Variants in PHF8 observed in about 807,000 individuals in gnomAD.
The protein encoded by PHF8 is histone lysine demethylase PHF8.
In PHF8, 9 loss-of-function variants were observed where a neutral mutation model predicts 74.4. The observed-to-expected ratio is 0.12, with a 90% CI of 0.07 to 0.21. PHF8 has a LOEUF of 0.21. Among genes scored for constraint, PHF8 ranks in the 10% least tolerant of loss-of-function variants. The pLI is 1.00. For missense variants in PHF8, 478 were observed against 816.6 expected (o/e 0.59, Z 5.05); for synonymous variants, 311 against 316.6 (o/e 0.98, Z 0.19).
intron 18 of PHF8, among the ~76,000 whole-genome samples, chrX:53,975,486 C>G (rs996619758): frequency 9.0e-6 from 1 of 111,532 alleles, no homozygotes; most frequent in Admixed American, 9.5e-5. Flanking sequence ...CATCAATGGA[C>G]AAATGAGTAA....
chrX:54,017,564 G>A, intron 5 of PHF8, 97 bp downstream of exon 5: 1 of 749,836 alleles, frequency 1.3e-6, no homozygotes, highest in Non-Finnish European at 2.1e-6. Flanking sequence ...TCCCAAGATG[G>A]TTACAGAGGA....
intron 19 of PHF8, among the ~76,000 whole-genome samples, chrX:53,949,908 T>C (rs1557086472): frequency 9.3e-6 from 1 of 108,059 alleles, no homozygotes; most frequent in Non-Finnish European, 1.9e-5. Context: ...ATTCAATGCA[T>C]ATTTAAGTAT....
chrX:54,021,852 A>T (rs1463514755), intron 4 of PHF8, among the ~76,000 whole-genome samples: 6 of 110,648 alleles, frequency 5.4e-5, no homozygotes, highest in African/African-American at 2.0e-4. Flanking sequence ...CCTTTTTTTA[A>T]CTCATTATTT....
Position 54,043,929 on chromosome X carries a change from G to C in PHF8, c.-260C>G, listed in dbSNP as rs921232153. 2.7e-6 allele frequency: 2 copies of C among 753,938 alleles called. No individual in the cohort carries two copies. The highest frequency in any genetic ancestry group is 1.6e-6 in the Non-Finnish European group (1 of 639,272). The allele number at this position is 753,938 out of a possible 1,213,427, so 62.1% of individuals were successfully genotyped here. ...ACACGCCGGCAGCCGGGCTAGCTCCGGGACTGCGAAGCGCCTCAGCGGAGG... is the reference window on the plus strand; with the variant it reads ...ACACGCCGGCAGCCGGGCTAGCTCCCGGACTGCGAAGCGCCTCAGCGGAGG... On this transcript the variant is annotated 5_prime_UTR_variant, in exon 1 of 22. Coordinates refer to ENST00000338154, the MANE Select transcript of PHF8 (RefSeq NM_015107.3).
rs1368136027 is a variant in PHF8, at chrX:53,965,636, GA to G, written c.2444-2698del. The stretch of plus-strand genomic sequence containing the variant: ...CCTTCCAAACAAACAAAGTTGTCAG[GA>G]AATCTCTATCAGAAAGTCTCAGCTT... On this transcript the variant is annotated intron_variant, in intron 18 of 21. Transcript: ENST00000338154. 3.6e-5 allele frequency among the ~76,000 whole-genome samples: 4 copies of G among 112,155 alleles called. No homozygotes were observed. The Admixed American group carries it at 3.8e-4, about 11-fold the overall frequency.
chrX:53,977,836 C>T (rs1195414464), intron 18 of PHF8, among the ~76,000 whole-genome samples: 11 of 107,502 alleles, frequency 1.0e-4, no homozygotes, highest in African/African-American at 2.4e-4. Context: ...TTAGTAGAGA[C>T]GGGGTTTCAC....
chrX:54,036,863 G>A (rs1557114395), intron 2 of PHF8, among the ~76,000 whole-genome samples: 4 of 108,453 alleles, frequency 3.7e-5, no homozygotes, highest in Non-Finnish European at 7.6e-5. Flanking sequence ...AGCTGGGCGT[G>A]GTGGCGAGCG....
At chrX:54,010,118 G>A (rs1269938286) in intron 8 of PHF8, among the ~76,000 whole-genome samples, 3 of 109,205 alleles carry the variant, frequency 2.7e-5, no homozygotes, top group African/African-American at 1.0e-4. Context: ...TCAGAAGTTC[G>A]AGACCAGCCA....
chrX:53,946,874 G>C (rs1396502061), intron 19 of PHF8, among the ~76,000 whole-genome samples: 1 of 111,714 alleles, frequency 9.0e-6, no homozygotes, highest in Non-Finnish European at 1.9e-5. Context: ...GGGGGAAACA[G>C]CATAATAACT....
At position 53,967,247 on chromosome X, in the gene PHF8, G is replaced by A. The variant is rs1345140454; in HGVS notation, c.2444-4308C>T. Among the ~76,000 whole-genome samples the A allele has an allele frequency of 1.7e-3, 140 of 81,370 alleles. 1 individual carries two copies. The highest frequency in any genetic ancestry group is 5.6e-3 in the African/African-American group (126 of 22,682). 70.7% of individuals were successfully genotyped at this position (81,370 alleles called of 115,157 possible). On this transcript the variant is annotated intron_variant, in intron 18 of 21. Transcript: ENST00000338154. Reference sequence around the variant, plus strand: ...GAGGAGCCCCTCTGCCCGGCCAGCCGCCCCGTCCGGGAGGGAGGTGGGGGG... The same window carrying A: ...GAGGAGCCCCTCTGCCCGGCCAGCCACCCCGTCCGGGAGGGAGGTGGGGGG...
intron 19 of PHF8, among the ~76,000 whole-genome samples, chrX:53,953,323 G>A (rs1482941814): frequency 8.7e-5 from 1 of 11,429 alleles, no homozygotes; most frequent in Non-Finnish European, 1.4e-4. Flanking sequence ...CACATATAGA[G>A]AGATAAAAAA....
chrX:53,979,330 C>T (rs1317589090), intron 18 of PHF8, among the ~76,000 whole-genome samples: 3 of 110,814 alleles, frequency 2.7e-5, no homozygotes, highest in Non-Finnish European at 3.8e-5. Context: ...TGCAGTGAGC[C>T]GAGATTGCAC....
Position 54,018,581 on chromosome X carries a change from T to C in PHF8, c.294-760A>G, listed in dbSNP as rs182158088. Among the ~76,000 whole-genome samples, 154 of 110,381 alleles carry C rather than the reference T, an allele frequency of 1.4e-3. 1 individual carries two copies. Among genetic ancestry groups the C allele is most frequent in the Middle Eastern group, 4.6e-3 (1 of 217 alleles). ...TATTTGACAACTCTGACAACTTGTG[T>C]TGGGACAAATATATTAAGCTCAAGC... is the stretch of plus-strand genomic sequence containing the variant. On this transcript the variant is annotated intron_variant, in intron 4 of 21. Transcript: ENST00000338154.
At chrX:53,974,780 C>G (rs1000803745) in intron 18 of PHF8, among the ~76,000 whole-genome samples, 4 of 111,963 alleles carry the variant, frequency 3.6e-5, no homozygotes, top group Non-Finnish European at 5.6e-5. Flanking sequence ...GAGCTGGAAG[C>G]TGTTATTCTC....
intron 13 of PHF8, 48 bp from the exon 14 acceptor site, chrX:53,992,887 G>A (rs782056671): frequency 1.2e-5 from 10 of 839,202 alleles, no homozygotes; most frequent in Non-Finnish European, 1.2e-5. Flanking sequence ...ACTCCCATGG[G>A]AATCACGATG....
At chrX:53,995,573 T>C in intron 12 of PHF8, 120 bp downstream of exon 12, 1 of 511,540 alleles carries the variant, frequency 2.0e-6, no homozygotes, top group East Asian at 3.6e-5. Context: ...GAATTGGGTC[T>C]TTGGTAGGGT....
In PHF8 at chrX:54,028,509, T is replaced by A. The variant is rs1050599711; in HGVS notation, c.99-5666A>T. ...TACCTGGGCACTCTTTTCTCCTCAC[T>A]TTTCCTCACTGTTCTCACTCCCAGG... On this transcript the variant is annotated intron_variant, in intron 2 of 21. Coordinates refer to ENST00000338154, the MANE Select transcript of PHF8 (RefSeq NM_015107.3). Among the ~76,000 whole-genome samples the A allele has an allele frequency of 6.3e-5, 7 of 111,208 alleles. No homozygotes were observed. In the Admixed American group the frequency reaches 6.7e-4, roughly 11 times the overall value.
intron 1 of PHF8, 180 bp from the exon 2 acceptor site, chrX:54,043,000 G>T: frequency 2.0e-6 from 1 of 510,679 alleles, no homozygotes; most frequent in Non-Finnish European, 2.9e-6. Flanking sequence ...CGTAAAGAAC[G>T]GAGCTCAACC....
chrX:54,040,369 T>A (rs1240511473), intron 2 of PHF8, among the ~76,000 whole-genome samples: 1 of 112,126 alleles, frequency 8.9e-6, no homozygotes, highest in Non-Finnish European at 1.9e-5. Context: ...ATCTATTACA[T>A]GTTTAGCACT....
Sources: allele counts gnomAD v4.1 joint callset (sites outside exome capture counted in the v4.1 genomes callset), GRCh38; gene constraint gnomAD v4.1.1; transcripts MANE v1.5; gene names NCBI Gene and HGNC (gene_info 2026-07-23, HGNC 2026-07-21).